Variants in CSMD1 observed in about 807,000 individuals in gnomAD.
CSMD1 encodes CUB and sushi domain-containing protein 1.
In CSMD1, 213 loss-of-function variants were observed where a neutral mutation model predicts 417.5. The ratio of observed to expected loss-of-function variants is 0.51; its 90% confidence interval spans 0.46 to 0.57. The LOEUF is 0.57. CSMD1 is among the 20% of genes least tolerant of loss of function. The pLI is 0.00. For missense variants in CSMD1, 6,923 were observed against 4,529.7 expected (o/e 1.53, Z -15.17); for synonymous variants, 2,862 against 1,736.8 (o/e 1.65, Z -16.11).
At chr8:3,077,029 G>GC (rs11445447) in intron 49 of CSMD1, among the ~76,000 whole-genome samples, 62,906 of 151,698 alleles carry the variant, frequency 0.41, 13,171 homozygotes, top group African/African-American at 0.44. Context: ...AGTCCTAAGT[G>GC]CACTTCTTTC....
chr8:3,728,887 C>T (rs997326288), intron 6 of CSMD1, among the ~76,000 whole-genome samples: 2 of 152,138 alleles, frequency 1.3e-5, no homozygotes, highest in African/African-American at 4.8e-5. Flanking sequence ...TACTGGCATC[C>T]ACGTGGTTTT....
At chr8:4,720,423 T>A (rs1808977994) in intron 1 of CSMD1, among the ~76,000 whole-genome samples, 1 of 152,094 alleles carries the variant, frequency 6.6e-6, no homozygotes, top group Admixed American at 6.6e-5. Flanking sequence ...TTGAATAATT[T>A]TTTTTGTTTT....
chr8:4,107,368 G>T (rs1053411453), intron 3 of CSMD1, among the ~76,000 whole-genome samples: 1 of 152,136 alleles, frequency 6.6e-6, no homozygotes, highest in African/African-American at 2.4e-5. Flanking sequence ...ACCTGTAGAG[G>T]ATAAAGTCCT....
intron 45 of CSMD1, among the ~76,000 whole-genome samples, 161 bp downstream of exon 45, chr8:3,107,557 A>G (rs1328664600): frequency 6.6e-6 from 1 of 151,782 alleles, no homozygotes; most frequent in Non-Finnish European, 1.5e-5. Context: ...TGACCTCCGT[A>G]TAAGTTCTCA....
chr8:4,466,992 G>A (rs112648541), intron 2 of CSMD1, among the ~76,000 whole-genome samples: 1 of 151,888 alleles, frequency 6.6e-6, no homozygotes, highest in African/African-American at 2.4e-5. Flanking sequence ...AGCTGTGGGA[G>A]CTTTCTCAAC....
At chr8:3,995,851 G>T (rs1413423011) in intron 5 of CSMD1, among the ~76,000 whole-genome samples, 1 of 152,170 alleles carries the variant, frequency 6.6e-6, no homozygotes, top group African/African-American at 2.4e-5. Context: ...TATTAGACAT[G>T]AAGGCACACA....
chr8:4,895,575 G>C (rs368698393), intron 1 of CSMD1, among the ~76,000 whole-genome samples: 4 of 152,018 alleles, frequency 2.6e-5, no homozygotes, highest in Admixed American at 6.6e-5. Flanking sequence ...CTGATTCAAA[G>C]GTATTGATTA....
chr8:4,293,236 C>A (rs911453676), intron 3 of CSMD1, among the ~76,000 whole-genome samples: 1 of 152,132 alleles, frequency 6.6e-6, no homozygotes, highest in Non-Finnish European at 1.5e-5. Flanking sequence ...GGCCAGACTC[C>A]AAGGGCACAG....
intron 39 of CSMD1, among the ~76,000 whole-genome samples, chr8:3,154,292 G>A (rs1819381159): frequency 2.0e-5 from 3 of 152,290 alleles, no homozygotes; most frequent in Middle Eastern, 6.8e-3. Flanking sequence ...ATTTTAAGGC[G>A]ACTGGGCTTG....
At chr8:3,896,316 T>A (rs528317858) in intron 5 of CSMD1, among the ~76,000 whole-genome samples, 5 of 152,158 alleles carry the variant, frequency 3.3e-5, no homozygotes, top group Non-Finnish European at 7.3e-5. Flanking sequence ...ATAAATGTAT[T>A]TCCAGATTTC....
intron 1 of CSMD1, among the ~76,000 whole-genome samples, chr8:4,820,717 A>T (rs1441287861): frequency 6.6e-6 from 1 of 152,180 alleles, no homozygotes; most frequent in Non-Finnish European, 1.5e-5. Flanking sequence ...TAGCTCATGG[A>T]CTAATAAGGA....
intron 12 of CSMD1, among the ~76,000 whole-genome samples, chr8:3,462,273 A>G (rs1015781546): frequency 6.6e-6 from 1 of 152,152 alleles, no homozygotes; most frequent in African/African-American, 2.4e-5. Flanking sequence ...TTGGAAGACT[A>G]TACAGTGCCA....
intron 3 of CSMD1, among the ~76,000 whole-genome samples, chr8:4,034,549 T>C (rs1797517838): frequency 6.6e-6 from 1 of 152,198 alleles, no homozygotes; most frequent in Admixed American, 6.5e-5. Flanking sequence ...AGAAAAACTT[T>C]CCATTTTATC....
chr8:3,205,518 A>G lies in CSMD1; in HGVS notation c.4970T>C (p.Val1657Ala). 1 of 1,551,500 alleles carries G rather than the reference A, an allele frequency of 6.4e-7. No individual in the cohort carries two copies. Among genetic ancestry groups the G allele is most frequent in the South Asian group, 1.2e-5 (1 of 86,104 alleles). ...GACATCCTTACCGAATTCCTTTGGTACCGTGATGGAATAGAGGCATATTTG... is the reference window on the plus strand; with the variant it reads ...GACATCCTTACCGAATTCCTTTGGTGCCGTGATGGAATAGAGGCATATTTG... ...AGQICLYSIT[V>A]PKEFVVFGQF... Residue 1657 changes from valine to alanine, a missense_variant, in exon 31 of 70, where the codon GTA becomes GCA. Physicochemically the swap from Val to Ala is moderately conservative, Grantham distance 64. Coordinates refer to ENST00000635120, the MANE Select transcript of CSMD1 (RefSeq NM_033225.6).
chr8:4,115,596 T>C (rs1466147822), intron 3 of CSMD1, among the ~76,000 whole-genome samples: 1 of 152,200 alleles, frequency 6.6e-6, no homozygotes, highest in Non-Finnish European at 1.5e-5. Context: ...CATACATTTT[T>C]AAATAAATAT....
At position 4,277,561 on chromosome 8, in the gene CSMD1, A is replaced by C. The variant is rs376752993; in HGVS notation, c.415+142392T>G. ...TTTTCTTGAAATTATAGACATGGAT[A>C]GAGCTGCATGTCTATACTCATGAAA... On this transcript the variant is annotated intron_variant, in intron 3 of 69. Transcript: ENST00000635120. Among the ~76,000 whole-genome samples the C allele has an allele frequency of 4.6e-5, 7 of 152,296 alleles. No individual in the cohort carries two copies. The East Asian group carries it at 1.4e-3, about 29-fold the overall frequency.
At chr8:4,742,286 T>C (rs977453522) in intron 1 of CSMD1, among the ~76,000 whole-genome samples, 1 of 151,692 alleles carries the variant, frequency 6.6e-6, no homozygotes, top group African/African-American at 2.4e-5. Context: ...CGCCTCGGCC[T>C]CCCAAAGTGC....
chr8:3,418,077 G>C (rs920655778), intron 12 of CSMD1, among the ~76,000 whole-genome samples: 1 of 152,128 alleles, frequency 6.6e-6, no homozygotes, highest in Non-Finnish European at 1.5e-5. Flanking sequence ...GGGAAAATTC[G>C]GTTGTGTACA....
intron 1 of CSMD1, among the ~76,000 whole-genome samples, chr8:4,750,769 G>T (rs1391520478): frequency 6.6e-6 from 1 of 151,450 alleles, no homozygotes. Context: ...AAAAAAAAAA[G>T]TAGTATTAGC....
Sources: gnomAD v4.1 joint callset for allele counts (sites outside exome capture counted in the v4.1 genomes callset) on GRCh38, gnomAD v4.1.1 for gene constraint, MANE v1.5 for transcripts, NCBI Gene and HGNC (gene_info 2026-07-23, HGNC 2026-07-21) for gene names.